The following FBXL17 variants were observed in gnomAD, a reference collection of about 807,000 sequenced individuals.
The protein encoded by FBXL17 is F-box and leucine rich repeat protein 17, also known as F-box/LRR-repeat protein 17.
A neutral mutation model predicts 66.2 loss-of-function variants in FBXL17; 22 were observed. The ratio of observed to expected loss-of-function variants is 0.33; its 90% CI spans 0.24 to 0.47. The LOEUF is 0.47. Among genes scored for constraint, FBXL17 ranks in the 20% least tolerant of loss-of-function variants. The probability of loss-of-function intolerance (pLI) is 1.00; values close to 1 mark genes in which losing one functional copy is unlikely to be tolerated. For missense variants in FBXL17, 878 were observed against 948.2 expected (o/e 0.93, Z 0.97); for synonymous variants, 474 against 400.5 (o/e 1.18, Z -2.19).
intron 6 of FBXL17, among the ~76,000 whole-genome samples, chr5:108,124,009 C>T (rs1253123681): frequency 1.3e-5 from 2 of 152,116 alleles, no homozygotes; most frequent in Non-Finnish European, 2.9e-5. Context: ...GAGTCAGTGA[C>T]TGGCAGTTTA....
chr5:108,000,147 T>A (rs2112713591), intron 7 of FBXL17, among the ~76,000 whole-genome samples: 1 of 152,336 alleles, frequency 6.6e-6, no homozygotes, highest in Middle Eastern at 3.4e-3. Flanking sequence ...CTGTGTCTAG[T>A]AAGCTGTATA....
At chr5:108,313,026 A>ATGTT (rs1759196056) in intron 4 of FBXL17, among the ~76,000 whole-genome samples, 1 of 152,118 alleles carries the variant, frequency 6.6e-6, no homozygotes, top group African/African-American at 2.4e-5. Context: ...AAATAATCAA[A>ATGTT]TGTTAGTTAC....
In FBXL17 at chr5:108,165,385, C is replaced by A. The variant is rs1752379787; in HGVS notation, c.1745+20732G>T. Among the ~76,000 whole-genome samples the A allele has an allele frequency of 2.6e-5, 4 of 152,226 alleles. No homozygotes were observed. The South Asian group carries it at 8.3e-4, about 32-fold the overall frequency. On this transcript the variant is annotated intron_variant, in intron 6 of 8. Coordinates refer to ENST00000542267, the MANE Select transcript of FBXL17 (RefSeq NM_001163315.3). ...ATAGTGGGATTTTAAGTAGTCTTTTCTTTTAAAAAATATTTACTAAAAATC... is the reference window on the plus strand; with the variant it reads ...ATAGTGGGATTTTAAGTAGTCTTTTATTTTAAAAAATATTTACTAAAAATC...
chr5:107,890,910 C>G (rs1749177550), intron 7 of FBXL17, among the ~76,000 whole-genome samples: 3 of 152,118 alleles, frequency 2.0e-5, no homozygotes, highest in Non-Finnish European at 4.4e-5. Context: ...TGAGTACCCA[C>G]TATGTGTCAG....
At chr5:108,288,631 G>A (rs555269092) in intron 4 of FBXL17, among the ~76,000 whole-genome samples, 13 of 151,936 alleles carry the variant, frequency 8.6e-5, no homozygotes, top group African/African-American at 3.1e-4. Context: ...AATGATGGAA[G>A]GGAGGAAAAA....
chr5:108,345,286 G>C (rs4957754), intron 4 of FBXL17, among the ~76,000 whole-genome samples: 18,410 of 151,528 alleles, frequency 0.12, 1,358 homozygotes, highest in Admixed American at 0.16. Context: ...GCAGTGAGCT[G>C]AGATTGTGCC....
At chr5:107,919,073 T>C (rs151011093) in intron 7 of FBXL17, among the ~76,000 whole-genome samples, 1 of 152,304 alleles carries the variant, frequency 6.6e-6, no homozygotes, top group African/African-American at 2.4e-5. Context: ...TTACAAAAAA[T>C]ATTACCAGTA....
intron 5 of FBXL17, among the ~76,000 whole-genome samples, chr5:108,207,828 G>A (rs1000511456): frequency 1.3e-5 from 2 of 152,124 alleles, no homozygotes; most frequent in African/African-American, 4.8e-5. Context: ...AATCCTTTGG[G>A]TATATACCCA....
intron 7 of FBXL17, among the ~76,000 whole-genome samples, chr5:107,928,420 GT>G (rs5870288): frequency 0.19 from 28,170 of 145,480 alleles, 2,895 homozygotes; most frequent in East Asian, 0.28. Context: ...TACATACTTT[GT>G]TTTTTTTTTT....
Position 108,381,043 on chromosome 5 carries a change from C to A in FBXL17, c.649G>T (p.Gly217Cys). The change falls in exon 1 of 9, where the codon GGC becomes TGC. Residue 217 changes from glycine (G) to cysteine (C), a missense_variant. Gly to Cys is a radical substitution (Grantham distance 159). Coordinates refer to ENST00000542267, the MANE Select transcript of FBXL17 (RefSeq NM_001163315.3). ...CTPCKQPRCG[G>C]GGCGGGGGGG... ...CCGCCGCCGCCGCCGCAGCCCCCGCCGCCGCAGCGGGGCTGCTTGCAGGGG... is the reference window on the plus strand; with the variant it reads ...CCGCCGCCGCCGCCGCAGCCCCCGCAGCCGCAGCGGGGCTGCTTGCAGGGG... 4 of 1,205,738 alleles carry A rather than the reference C, an allele frequency of 3.3e-6. No individual in the cohort carries two copies. The highest frequency in any genetic ancestry group is 4.1e-6 in the Non-Finnish European group (4 of 971,724). 74.7% of individuals were successfully genotyped at this position (1,205,738 alleles called of 1,614,324 possible).
At chr5:107,897,367 C>T (rs1245811561) in intron 7 of FBXL17, among the ~76,000 whole-genome samples, 1 of 152,108 alleles carries the variant, frequency 6.6e-6, no homozygotes, top group Non-Finnish European at 1.5e-5. Context: ...ATCTATAAAG[C>T]TGCTAACCCA....
intron 7 of FBXL17, among the ~76,000 whole-genome samples, chr5:107,963,705 T>C (rs936299276): frequency 1.3e-5 from 2 of 152,160 alleles, no homozygotes; most frequent in Non-Finnish European, 2.9e-5. Context: ...ATTATCATAA[T>C]ACCTCCATTT....
intron 7 of FBXL17, among the ~76,000 whole-genome samples, chr5:107,954,257 A>G (rs1044076138): frequency 3.5e-4 from 54 of 152,276 alleles, no homozygotes; most frequent in African/African-American, 1.2e-3. Context: ...TAAAATGGAT[A>G]TAAAATAACC....
At chr5:108,105,100 C>T (rs971885759) in intron 6 of FBXL17, among the ~76,000 whole-genome samples, 2 of 152,240 alleles carry the variant, frequency 1.3e-5, no homozygotes, top group Non-Finnish European at 1.5e-5. Flanking sequence ...CTCGGCCTCC[C>T]GAAGTGCTGG....
Position 108,341,987 on chromosome 5 carries a change from T to C in FBXL17, c.1506+6412A>G, listed in dbSNP as rs138240975. 2.9e-4 allele frequency among the ~76,000 whole-genome samples: 44 copies of C among 152,272 alleles called. 1 individual carries two copies. The Middle Eastern group carries it at 0.01, about 35-fold the overall frequency. ...CACATAAGAATAACTATTTTTGCAA[T>C]TGGTGTTTCTATAGCACTATCATGA... On this transcript the variant is annotated intron_variant, in intron 4 of 8. Coordinates refer to ENST00000542267, the MANE Select transcript of FBXL17 (RefSeq NM_001163315.3).
At chr5:107,899,067 T>A (rs909868463) in intron 7 of FBXL17, among the ~76,000 whole-genome samples, 27 of 152,196 alleles carry the variant, frequency 1.8e-4, no homozygotes, top group African/African-American at 6.5e-4. Flanking sequence ...GTTGAACTAG[T>A]TTACACTCAC....
intron 7 of FBXL17, among the ~76,000 whole-genome samples, chr5:107,911,840 T>C (rs1749956880): frequency 6.6e-6 from 1 of 151,956 alleles, no homozygotes; most frequent in Admixed American, 6.6e-5. Context: ...TTTACAAAGG[T>C]CTACAAAAAT....
rs1356234107 is a variant in FBXL17 at position 108,381,392 on chromosome 5, C to T, written c.300G>A (p.Leu100=). ...CGGCCAGGGCCGCGTAGCGCCGCGC[C>T]AGGTGCTGAGAGGAGGAGGCGGCAG... is the stretch of plus-strand genomic sequence containing the variant. ...AYAAASSSQH[L]ARRYAALAAE... Residue 100 remains leucine, a synonymous_variant, in exon 1 of 9, where the codon CTG becomes CTA. Coordinates refer to ENST00000542267, the MANE Select transcript of FBXL17 (RefSeq NM_001163315.3). The T allele has an allele frequency of 3.8e-6, 5 of 1,325,204 alleles. No individual in the cohort carries two copies. The South Asian group carries it at 1.1e-4, about 29-fold the overall frequency. 82.1% of individuals were successfully genotyped at this position (1,325,204 alleles called of 1,614,324 possible). A position where few individuals can be genotyped will look rare whatever the true frequency, so the allele number is the denominator to read the frequency against.
chr5:108,118,006 G>A (rs980440681), intron 6 of FBXL17, among the ~76,000 whole-genome samples: 1 of 152,092 alleles, frequency 6.6e-6, no homozygotes, highest in Non-Finnish European at 1.5e-5. Context: ...GGAGGTTGAA[G>A]TTTCCATTAT....
Sources: gnomAD v4.1 joint callset for allele counts (sites outside exome capture counted in the v4.1 genomes callset) on GRCh38, gnomAD v4.1.1 for gene constraint, MANE v1.5 for transcripts, NCBI Gene and HGNC (gene_info 2026-07-23, HGNC 2026-07-21) for gene names.